RAD51B: variants seen among roughly 807,000 people sequenced by gnomAD.
The protein encoded by RAD51B is DNA repair protein RAD51 homolog 2.
In RAD51B, 38 loss-of-function variants were observed where a neutral mutation model predicts 42.2. The ratio of observed to expected loss-of-function variants is 0.90; its 90% CI spans 0.70 to 1.18. The LOEUF (loss-of-function observed/expected upper bound fraction) is 1.18. Ranked by LOEUF, RAD51B falls within the 50% of genes most tolerant of loss-of-function variation. The pLI is 0.00. For synonymous variants in RAD51B, 154 were observed against 145.2 expected (o/e 1.06, Z -0.43); for missense variants, 373 against 400.7 (o/e 0.93, Z 0.59).
At position 68,202,198 on chromosome 14, in the gene RAD51B, T is replaced by A. The variant is rs142620041; in HGVS notation, c.757-89686T>A. On this transcript the variant is annotated intron_variant, in intron 7 of 10. Coordinates refer to ENST00000471583, the MANE Select transcript of RAD51B (RefSeq NM_133510.4). Reference sequence around the variant, plus strand: ...AATCATCTGAGCCTTCAGTGAGTTGTAATCTTTTTGCTGGTGGAGTGTTTT... The same window carrying A: ...AATCATCTGAGCCTTCAGTGAGTTGAAATCTTTTTGCTGGTGGAGTGTTTT... Among the ~76,000 whole-genome samples, 5 of 152,340 alleles carry A rather than the reference T, an allele frequency of 3.3e-5. No homozygotes were observed. The East Asian group carries it at 9.6e-4, about 29-fold the overall frequency.
chr14:68,197,273 A>G (rs1414280760), intron 7 of RAD51B, among the ~76,000 whole-genome samples: 1 of 152,178 alleles, frequency 6.6e-6, no homozygotes, highest in East Asian at 1.9e-4. Context: ...CTTGAAACTC[A>G]CATACGTAGA....
intron 7 of RAD51B, among the ~76,000 whole-genome samples, chr14:67,897,979 AT>A (rs2043480368): frequency 6.6e-6 from 1 of 152,110 alleles, no homozygotes; most frequent in Non-Finnish European, 1.5e-5. Flanking sequence ...GGGAATGTAA[AT>A]TGGTGTAGCT....
chr14:67,949,223 T>C (rs2074396264), intron 7 of RAD51B, among the ~76,000 whole-genome samples: 1 of 152,212 alleles, frequency 6.6e-6, no homozygotes, highest in African/African-American at 2.4e-5. Flanking sequence ...ATCATGCTAC[T>C]TGATAGCATT....
chr14:68,319,046 C>T (rs1260394010), intron 8 of RAD51B, among the ~76,000 whole-genome samples: 1 of 152,052 alleles, frequency 6.6e-6, no homozygotes, highest in Non-Finnish European at 1.5e-5. Flanking sequence ...TTAAAAAAAC[C>T]TCTCTGTAGG....
intron 8 of RAD51B, among the ~76,000 whole-genome samples, chr14:68,308,631 G>C (rs1328346506): frequency 2.7e-5 from 4 of 149,116 alleles, no homozygotes; most frequent in Non-Finnish European, 5.9e-5. Context: ...ATGATTTCTT[G>C]AGGTCCCTTC....
chr14:68,048,628 C>T (rs1423995257), intron 7 of RAD51B, among the ~76,000 whole-genome samples: 10 of 152,142 alleles, frequency 6.6e-5, no homozygotes, highest in Non-Finnish European at 1.3e-4. Context: ...GTAAGGCAAT[C>T]AGAGAAATGC....
rs1041981038 is a variant in RAD51B at position 68,191,264 on chromosome 14, A to G, written c.757-100620A>G. 4.6e-5 allele frequency among the ~76,000 whole-genome samples: 7 copies of G among 152,288 alleles called. No individual in the cohort carries two copies. The East Asian group carries it at 1.2e-3, about 25-fold the overall frequency. ...GGTGATTAACTGACAAAAATTAAGCATATGTGTTTGGATCATGGTTTCTGT... is the reference window on the plus strand; with the variant it reads ...GGTGATTAACTGACAAAAATTAAGCGTATGTGTTTGGATCATGGTTTCTGT... On this transcript the variant is annotated intron_variant, in intron 7 of 10. Transcript: ENST00000471583.
chr14:68,455,561 C>CA (rs1000660299), intron 9 of RAD51B, among the ~76,000 whole-genome samples: 44 of 150,496 alleles, frequency 2.9e-4, no homozygotes, highest in Admixed American at 1.4e-3. Context: ...ACTAAAAATA[C>CA]AAAAAAAAAT....
At chr14:68,537,224 C>T (rs1239192639) in intron 10 of RAD51B, among the ~76,000 whole-genome samples, 1 of 151,964 alleles carries the variant, frequency 6.6e-6, no homozygotes, top group African/African-American at 2.4e-5. Context: ...CATGGCCAGT[C>T]GCAGTGGCTC....
At chr14:68,246,859 C>G in intron 7 of RAD51B, among the ~76,000 whole-genome samples, 2 of 152,214 alleles carry the variant, frequency 1.3e-5, no homozygotes, top group South Asian at 4.2e-4. Context: ...TGGCTGGGTA[C>G]GCACTTTCTT....
At chr14:68,469,142 C>T (rs373712410) in intron 10 of RAD51B, 88 of 508,020 alleles carry the variant, frequency 1.7e-4, no homozygotes, top group Non-Finnish European at 3.0e-4. Context: ...CTGGCCTGAC[C>T]CTAGAGGAGC....
intron 10 of RAD51B, among the ~76,000 whole-genome samples, chr14:68,648,674 A>AAC (rs35200852): frequency 0.032 from 4,565 of 143,646 alleles, 94 homozygotes; most frequent in South Asian, 0.065. Flanking sequence ...AAAGCACACA[A>AAC]ACACACACAC....
rs538872199 is a variant in RAD51B, at chr14:68,206,088, T to A, written c.757-85796T>A. The stretch of plus-strand genomic sequence containing the variant: ...TAATCTGGAACATGTCTACAGCCTT[T>A]ATCTTTTATGACTTTGTCAGTTTTA... On this transcript the variant is annotated intron_variant, in intron 7 of 10. Transcript: ENST00000471583. Among the ~76,000 whole-genome samples, 37 of 152,374 alleles carry A rather than the reference T, an allele frequency of 2.4e-4. 1 individual carries two copies. The highest frequency in any genetic ancestry group is 8.9e-4 in the African/African-American group (37 of 41,590).
In RAD51B at chr14:68,258,380, G is replaced by C. The variant is rs2080800013; in HGVS notation, c.757-33504G>C. Among the ~76,000 whole-genome samples, 6 of 151,610 alleles carry C rather than the reference G, an allele frequency of 4.0e-5. No individual in the cohort carries two copies. The South Asian group carries it at 1.2e-3, about 32-fold the overall frequency. On this transcript the variant is annotated intron_variant, in intron 7 of 10. Transcript: ENST00000471583. ...TGCACATGCCAGTGCACTCCAGCCT[G>C]GGAGACCCTGTCTCTATACACACAC...
intron 10 of RAD51B, among the ~76,000 whole-genome samples, chr14:68,513,872 T>C (rs1042058698): frequency 3.3e-5 from 5 of 152,236 alleles, no homozygotes; most frequent in African/African-American, 1.2e-4. Flanking sequence ...AAGGGCTGAA[T>C]AGCAACATGG....
At chr14:67,966,456 A>G (rs567789114) in intron 7 of RAD51B, among the ~76,000 whole-genome samples, 2 of 152,200 alleles carry the variant, frequency 1.3e-5, no homozygotes, top group Admixed American at 6.5e-5. Flanking sequence ...AGTTCTTACT[A>G]TATAAGTATT....
chr14:68,569,592 C>T (rs1889591624), intron 10 of RAD51B, among the ~76,000 whole-genome samples: 1 of 152,330 alleles, frequency 6.6e-6, no homozygotes, highest in African/African-American at 2.4e-5. Flanking sequence ...AATGTGCTGT[C>T]ATATGCAGAT....
intron 10 of RAD51B, among the ~76,000 whole-genome samples, chr14:68,523,513 G>A (rs543550476): frequency 7.9e-5 from 12 of 152,284 alleles, no homozygotes; most frequent in African/African-American, 2.6e-4. Flanking sequence ...AAGACAGCCA[G>A]CACCAAAGAG....
At chr14:68,515,270 C>T (rs1262754988) in intron 10 of RAD51B, among the ~76,000 whole-genome samples, 1 of 152,044 alleles carries the variant, frequency 6.6e-6, no homozygotes, top group Non-Finnish European at 1.5e-5. Flanking sequence ...CCAGTAATCT[C>T]AAGTTCAGAA....
Sources: gnomAD v4.1 joint callset for allele counts (sites outside exome capture counted in the v4.1 genomes callset) on GRCh38, gnomAD v4.1.1 for gene constraint, MANE v1.5 for transcripts, NCBI Gene and HGNC (gene_info 2026-07-23, HGNC 2026-07-21) for gene names.